The following FGFR3 variants were observed in gnomAD, a reference collection of about 807,000 sequenced individuals.
The protein encoded by FGFR3 is fibroblast growth factor receptor 3.
In FGFR3, 25 loss-of-function variants were observed where a neutral mutation model predicts 82.9. That is an observed-to-expected ratio of 0.30 (90% confidence interval 0.22 to 0.42). FGFR3 has a LOEUF of 0.42. Ranked by LOEUF, FGFR3 falls within the 10% of genes least tolerant of loss-of-function variation. The probability of loss-of-function intolerance (pLI) is 1.00; values close to 1 mark genes in which losing one functional copy is unlikely to be tolerated. For synonymous variants in FGFR3, 620 were observed against 516.0 expected (o/e 1.20, Z -2.73); for missense variants, 1,026 against 1,161.0 (o/e 0.88, Z 1.69).
intron 10 of FGFR3, 137 bp from the exon 11 acceptor site, chr4:1,805,218 C>T (rs1043373654): frequency 1.3e-6 from 2 of 1,494,942 alleles, no homozygotes; most frequent in African/African-American, 2.7e-5. Flanking sequence ...TACGAGCAGG[C>T]TGTAGGGGGA....
intron 8 of FGFR3, among the ~76,000 whole-genome samples, chr4:1,804,084 C>T (rs1483329444): frequency 2.0e-5 from 3 of 152,232 alleles, no homozygotes; most frequent in African/African-American, 7.2e-5. Flanking sequence ...TCCTGTGGCT[C>T]TGGTGTCTCC....
chr4:1,803,302 C>T (rs1327333557), intron 7 of FGFR3: 9 of 534,420 alleles, frequency 1.7e-5, no homozygotes, highest in African/African-American at 4.0e-5. Flanking sequence ...GTGCCCGGTG[C>T]CCACCGGGCC....
intron 2 of FGFR3, among the ~76,000 whole-genome samples, chr4:1,798,283 A>G (rs1720755696): frequency 6.6e-6 from 1 of 151,450 alleles, no homozygotes; most frequent in South Asian, 2.1e-4. Context: ...TGGCTCTCAC[A>G]GCTTCCTGCC....
rs1030985522 is a variant in FGFR3 at position 1,808,760 on chromosome 4, T to C, written c.*1498T>C. On this transcript the variant is annotated 3_prime_UTR_variant, in exon 18 of 18. Coordinates refer to ENST00000440486, the MANE Select transcript of FGFR3 (RefSeq NM_000142.5). ...CAGGGCCATGGCTCAGGGTGGTCTC[T>C]TCTTGGGGCCCAGTGCATGGTGGCC... 1.3e-5 allele frequency: 3 copies of C among 231,740 alleles called. No homozygotes were observed. The highest frequency in any genetic ancestry group is 2.6e-5 in the Non-Finnish European group (3 of 117,022). 14.4% of individuals were successfully genotyped at this position (231,740 alleles called of 1,614,324 possible). A position where few individuals can be genotyped will look rare whatever the true frequency, so the allele number is the denominator to read the frequency against.
chr4:1,802,669 G>A (rs979337028), intron 7 of FGFR3, among the ~76,000 whole-genome samples: 14 of 152,244 alleles, frequency 9.2e-5, no homozygotes, highest in Middle Eastern at 3.4e-3. Flanking sequence ...GCAAGAGCCC[G>A]GGGGAGGGCA....
intron 6 of FGFR3, 34 bp from the exon 7 acceptor site, chr4:1,801,801 G>A (rs1721221989): frequency 1.3e-6 from 2 of 1,598,608 alleles, no homozygotes; most frequent in South Asian, 1.1e-5. Flanking sequence ...TGGTGAGGGA[G>A]GGGGTGGCCC....
intron 2 of FGFR3, among the ~76,000 whole-genome samples, chr4:1,797,166 G>A (rs1392897849): frequency 6.6e-6 from 1 of 152,202 alleles, no homozygotes; most frequent in African/African-American, 2.4e-5. Flanking sequence ...GATCAAGAAA[G>A]AAAGAACCCT....
At chr4:1,793,748 T>G (rs1213494125) in intron 1 of FGFR3, 85 bp from the exon 2 acceptor site, 4 of 150,332 alleles carry the variant, frequency 2.7e-5, no homozygotes, top group Admixed American at 6.7e-5. Context: ...CGGCTGGGGG[T>G]CGGAGGGGTC....
rs917254107 is a variant in FGFR3 at position 1,799,486 on chromosome 4, G to A, written c.342G>A (p.Thr114=). 44 of 1,573,986 alleles carry A rather than the reference G, an allele frequency of 2.8e-5. No homozygotes were observed. The highest frequency in any genetic ancestry group is 8.1e-5 in the African/African-American group (6 of 73,902). ...SGAYSCRQRL[T]QRVLCHFSVR... ...CCTACAGCTGCCGGCAGCGGCTCAC[G>A]CAGCGCGTACTGTGCCACTTCAGTG... The change falls in exon 3 of 18, where the codon ACG becomes ACA. Residue 114 remains threonine (T), a synonymous_variant. Coordinates refer to ENST00000440486, the MANE Select transcript of FGFR3 (RefSeq NM_000142.5).
At chr4:1,803,969 C>A in intron 8 of FGFR3, 133 bp downstream of exon 8, 3 of 1,103,986 alleles carry the variant, frequency 2.7e-6, no homozygotes, top group East Asian at 2.4e-5. Context: ...CACTCCTGGC[C>A]CTGTGCCCAG....
Position 1,801,658 on chromosome 4 carries a change from G to C in FGFR3, c.654G>C (p.Val218=), listed in dbSNP as rs147769045. 1,987 of 1,611,430 alleles carry C rather than the reference G, an allele frequency of 1.2e-3. 23 individuals carry two copies. In the African/African-American group the frequency reaches 0.024, roughly 19 times the overall value. ...AGTGGAGCCTGGTCATGGAAAGCGT[G>C]GTGCCCTCGGACCGCGGCAACTACA... ...HQQWSLVMES[V]VPSDRGNYTC... is the part of the protein sequence containing the mutation. The change falls in exon 6 of 18, where the codon GTG becomes GTC. Residue 218 remains valine, a synonymous_variant. Transcript: ENST00000440486.
rs1485760950 is a variant in FGFR3, at chr4:1,804,826, G to A, written c.1269G>A (p.Val423=). ...KISRFPLKRQ[V]SLESNASMSS... ...CCTGCCCCTGCTGACCCAAGCAGGT[G>A]TCCCTGGAGTCCAACGCGTCCATGA... is the stretch of plus-strand genomic sequence containing the variant. The change falls in exon 10 of 18, where the codon GTG becomes GTA. Residue 423 remains valine, a splice_region_variant and synonymous_variant. Coordinates refer to ENST00000440486, the MANE Select transcript of FGFR3 (RefSeq NM_000142.5). The A allele has an allele frequency of 3.2e-6, 5 of 1,549,700 alleles. No individual in the cohort carries two copies. Among genetic ancestry groups the A allele is most frequent in the South Asian group, 1.2e-5 (1 of 84,032 alleles).
At position 1,802,013 on chromosome 4, in the gene FGFR3, T is replaced by C. The variant is rs1464730103; in HGVS notation, c.918T>C (p.Val306=). 1 of 1,612,038 alleles carries C rather than the reference T, an allele frequency of 6.2e-7. No individual in the cohort carries two copies. The highest frequency in any genetic ancestry group is 1.7e-5 in the Admixed American group (1 of 59,964). Residue 306 remains valine (V), a synonymous_variant, in exon 7 of 18, where the codon GTT becomes GTC. Coordinates refer to ENST00000440486, the MANE Select transcript of FGFR3 (RefSeq NM_000142.5). ...TGGGCCCGGACGGCACACCCTACGT[T>C]ACCGTGCTCAAGGTGGGCCACCGTG... is the stretch of plus-strand genomic sequence containing the variant. ...SKVGPDGTPY[V]TVLKTAGANT...
At chr4:1,804,663 T>TGAGC in intron 9 of FGFR3, 143 bp downstream of exon 9, 22 of 1,414,510 alleles carry the variant, frequency 1.6e-5, no homozygotes, top group Non-Finnish European at 2.1e-5. Context: ...GCTCACCATG[T>TGAGC]AGAGCCTAGG....
At chr4:1,802,733 C>T (rs1238214802) in intron 7 of FGFR3, among the ~76,000 whole-genome samples, 1 of 152,170 alleles carries the variant, frequency 6.6e-6, no homozygotes, top group African/African-American at 2.4e-5. Flanking sequence ...GGGGTGGAGG[C>T]AGAGACGTGC....
At chr4:1,804,225 C>T in intron 8 of FGFR3, 105 bp from the exon 9 acceptor site, 5 of 1,321,356 alleles carry the variant, frequency 3.8e-6, no homozygotes, top group East Asian at 2.3e-5. Flanking sequence ...AGGTTCTGAG[C>T]CCCCTTCCGC....
chr4:1,803,284 C>T (rs1029129065), intron 7 of FGFR3: 39 of 575,962 alleles, frequency 6.8e-5, no homozygotes, highest in Non-Finnish European at 8.7e-5. Flanking sequence ...CTGCGACCCC[C>T]ACAGGAGGTG....
Position 1,804,505 on chromosome 4 carries a change from C to T in FGFR3, c.1251C>T (p.Phe417=), listed in dbSNP as rs2108798304. 3 of 1,612,770 alleles carry T rather than the reference C, an allele frequency of 1.9e-6. No individual in the cohort carries two copies. Among genetic ancestry groups the T allele is most frequent in the African/African-American group, 1.3e-5 (1 of 75,058 alleles). The change falls in exon 9 of 18, where the codon TTC becomes TTT. Residue 417 remains phenylalanine (F), a synonymous_variant. Coordinates refer to ENST00000440486, the MANE Select transcript of FGFR3 (RefSeq NM_000142.5). ...CCACCGTGCACAAGATCTCCCGCTT[C>T]CCGCTCAAGCGACAGGTAACAGAAA... ...GSPTVHKISR[F]PLKRQVSLES...
intron 7 of FGFR3, chr4:1,803,124 G>T: frequency 6.8e-7 from 1 of 1,462,038 alleles, no homozygotes; most frequent in Non-Finnish European, 9.1e-7. Flanking sequence ...CCCTGGCCGC[G>T]CGCCCTGCAC....
Sources: gnomAD v4.1 joint callset for allele counts (sites outside exome capture counted in the v4.1 genomes callset) on GRCh38, gnomAD v4.1.1 for gene constraint, MANE v1.5 for transcripts, NCBI Gene and HGNC (gene_info 2026-07-23, HGNC 2026-07-21) for gene names.